Variants in OR2L13 observed in about 807,000 individuals in gnomAD.
OR2L13 encodes olfactory receptor 2L13.
In OR2L13, 14 loss-of-function variants were observed where a neutral mutation model predicts 15.3. That is an observed-to-expected ratio of 0.91 (90% CI 0.60 to 1.43). The LOEUF (loss-of-function observed/expected upper bound fraction) is 1.43. Ranked by LOEUF, OR2L13 falls within the 40% of genes most tolerant of loss-of-function variation. OR2L13 has a pLI of 0.00. For synonymous variants in OR2L13, 152 were observed against 142.9 expected (o/e 1.06, Z -0.45); for missense variants, 367 against 387.9 (o/e 0.95, Z 0.45).
chr1:248,020,105 C>T, the OR2L13 span, among the ~76,000 whole-genome samples: 1 of 152,134 alleles, frequency 6.6e-6, no homozygotes, highest in Non-Finnish European at 1.5e-5. Flanking sequence ...TATTGGTATA[C>T]ATGTCTGGCT....
the OR2L13 span, among the ~76,000 whole-genome samples, chr1:247,993,341 T>G: frequency 7.4e-6 from 1 of 135,724 alleles, no homozygotes; most frequent in Admixed American, 6.8e-5. Context: ...GTTTCCTCGT[T>G]GTTTTTTTTT....
chr1:247,975,462 A>C, the OR2L13 span: 2 of 782,588 alleles, frequency 2.6e-6, no homozygotes, highest in East Asian at 5.2e-5. Context: ...TCACTGTAGT[A>C]ATTTTCTACT....
chr1:248,048,369 G>C, the OR2L13 span, among the ~76,000 whole-genome samples: 1 of 152,150 alleles, frequency 6.6e-6, no homozygotes. Flanking sequence ...TCCTAAGTCA[G>C]TCAAATACAA....
At chr1:247,976,192 A>G in the OR2L13 span, among the ~76,000 whole-genome samples, 2 of 152,198 alleles carry the variant, frequency 1.3e-5, no homozygotes, top group South Asian at 2.1e-4. Context: ...AAGAGATTCT[A>G]TAGGAGTTAC....
chr1:248,090,189 G>T (rs979070839), upstream of OR2L13, among the ~76,000 whole-genome samples: 1 of 152,118 alleles, frequency 6.6e-6, no homozygotes, highest in Non-Finnish European at 1.5e-5. Flanking sequence ...CAGGCAGGCT[G>T]ACTTGAGTTT....
At chr1:248,050,535 A>G in the OR2L13 span, among the ~76,000 whole-genome samples, 2 of 152,122 alleles carry the variant, frequency 1.3e-5, no homozygotes, top group Admixed American at 1.3e-4. Flanking sequence ...GATAATAAAA[A>G]GATGATACAT....
the OR2L13 span, among the ~76,000 whole-genome samples, chr1:248,000,307 C>T: frequency 1.3e-5 from 2 of 152,038 alleles, no homozygotes; most frequent in Admixed American, 6.6e-5. Flanking sequence ...TCAAGAAGAC[C>T]ATCCTCCTTG....
At chr1:247,941,059 G>T in the OR2L13 span, among the ~76,000 whole-genome samples, 1 of 152,188 alleles carries the variant, frequency 6.6e-6, no homozygotes, top group East Asian at 1.9e-4. Flanking sequence ...CTTCAGAGAT[G>T]TGTCTGTTCA....
chr1:247,945,952 CATCTT>C, the OR2L13 span, among the ~76,000 whole-genome samples: 9 of 152,096 alleles, frequency 5.9e-5, no homozygotes, highest in Non-Finnish European at 1.0e-4. Flanking sequence ...GTATTGTTGA[CATCTT>C]AACCGTATTA....
chr1:248,003,444 C>G, the OR2L13 span: 4 of 1,609,272 alleles, frequency 2.5e-6, no homozygotes, highest in African/African-American at 4.0e-5. Context: ...TTCTTCACGA[C>G]TTTAGCCGTT....
chr1:248,072,494 T>C, the OR2L13 span, among the ~76,000 whole-genome samples: 1 of 152,120 alleles, frequency 6.6e-6, no homozygotes, highest in Non-Finnish European at 1.5e-5. Context: ...GATTAAAGAC[T>C]TAAACGTTAG....
the OR2L13 span, among the ~76,000 whole-genome samples, chr1:248,042,538 C>CA: frequency 7.9e-5 from 12 of 150,990 alleles, no homozygotes; most frequent in South Asian, 8.4e-4. Flanking sequence ...AAATAAATTG[C>CA]AAAAAAACAA....
At chr1:247,948,396 T>C in the OR2L13 span, among the ~76,000 whole-genome samples, 1 of 152,228 alleles carries the variant, frequency 6.6e-6, no homozygotes, top group Non-Finnish European at 1.5e-5. Flanking sequence ...ACCATTCATA[T>C]TCTATTGAAG....
upstream of OR2L13, among the ~76,000 whole-genome samples, chr1:248,093,901 T>C (rs1360928933): frequency 1.3e-5 from 2 of 152,190 alleles, no homozygotes; most frequent in African/African-American, 4.8e-5. Flanking sequence ...AGAATGACTG[T>C]TACCAGAGGC....
At chr1:247,997,426 G>A in the OR2L13 span, among the ~76,000 whole-genome samples, 1 of 152,204 alleles carries the variant, frequency 6.6e-6, no homozygotes, top group African/African-American at 2.4e-5. Context: ...GAAACAATTT[G>A]AATGTGTATA....
chr1:247,995,594 C>T, the OR2L13 span, among the ~76,000 whole-genome samples: 1 of 152,160 alleles, frequency 6.6e-6, no homozygotes, highest in African/African-American at 2.4e-5. Context: ...TTTTCTATAT[C>T]AGATTTCTTG....
the OR2L13 span, among the ~76,000 whole-genome samples, chr1:248,070,428 A>C: frequency 2.0e-5 from 3 of 152,098 alleles, no homozygotes; most frequent in Non-Finnish European, 4.4e-5. Flanking sequence ...TGAAAACAAC[A>C]AGAACAAAGA....
the OR2L13 span, among the ~76,000 whole-genome samples, chr1:248,029,670 C>T: frequency 6.6e-6 from 1 of 152,178 alleles, no homozygotes; most frequent in East Asian, 1.9e-4. Context: ...AAATTAACCT[C>T]GTTCTATTTT....
chr1:247,999,756 T>G, the OR2L13 span, among the ~76,000 whole-genome samples: 2 of 152,138 alleles, frequency 1.3e-5, no homozygotes, highest in African/African-American at 4.8e-5. Context: ...GTGAAATAAT[T>G]CTTACTAAAG....
Sources: gnomAD v4.1 joint callset for allele counts (sites outside exome capture counted in the v4.1 genomes callset) on GRCh38, gnomAD v4.1.1 for gene constraint, MANE v1.5 for transcripts, NCBI Gene and HGNC (gene_info 2026-07-23, HGNC 2026-07-21) for gene names.